ADGRV1: variants seen among roughly 807,000 people sequenced by gnomAD.
The protein encoded by ADGRV1 is adhesion G protein-coupled receptor V1, also known as G-protein coupled receptor 98.
A neutral mutation model predicts 596.2 loss-of-function variants in ADGRV1; 359 were observed. That is an observed-to-expected ratio of 0.60 (90% confidence interval 0.55 to 0.66). The LOEUF (loss-of-function observed/expected upper bound fraction) is 0.66, where lower values mean the gene tolerates loss of function less well. Ranked by LOEUF, ADGRV1 falls within the 30% of genes least tolerant of loss-of-function variation. The pLI is 0.00. For synonymous variants in ADGRV1, 2,681 were observed against 2,679.2 expected, an observed-to-expected ratio of 1.00 and a Z score of -0.02; for missense variants, 7,274 against 7,575.6, an observed-to-expected ratio of 0.96 and a Z score of 1.48.
intron 85 of ADGRV1, among the ~76,000 whole-genome samples, chr5:91,012,197 T>C (rs1315082474): frequency 6.6e-6 from 1 of 151,932 alleles, no homozygotes; most frequent in African/African-American, 2.4e-5. Flanking sequence ...CTAAACAAAA[T>C]TTGATTTCCC....
chr5:90,808,886 T>G (rs1762154516), intron 73 of ADGRV1, among the ~76,000 whole-genome samples: 1 of 151,424 alleles, frequency 6.6e-6, no homozygotes, highest in Admixed American at 6.6e-5. Flanking sequence ...ACAGAGTGAG[T>G]GAGACTCCGT....
At position 90,672,698 on chromosome 5, in the gene ADGRV1, A is replaced by G; in HGVS notation, c.4905A>G (p.Thr1635=). The G allele has an allele frequency of 6.2e-7, 1 of 1,612,842 alleles. No individual in the cohort carries two copies. Residue 1635 remains threonine (T), a synonymous_variant, in exon 22 of 90, where the codon ACA becomes ACG. Coordinates refer to ENST00000405460, the MANE Select transcript of ADGRV1 (RefSeq NM_032119.4). The part of the protein sequence containing the change: ...DDFANASGTI[T]FLPWQRSEVL... ...TTGCTAATGCCAGTGGAACTATTAC[A>G]TTCCTTCCTTGGCAGAGATCAGAGG...
chr5:91,099,541 G>A (rs1209642397), intron 86 of ADGRV1, among the ~76,000 whole-genome samples: 1 of 152,210 alleles, frequency 6.6e-6, no homozygotes, highest in Non-Finnish European at 1.5e-5. Context: ...ACCTGAGCGA[G>A]GGAATGGGTA....
At chr5:90,712,786 G>A (rs1471782998) in intron 42 of ADGRV1, among the ~76,000 whole-genome samples, 1 of 151,942 alleles carries the variant, frequency 6.6e-6, no homozygotes, top group Non-Finnish European at 1.5e-5. Context: ...TTCTACCTTT[G>A]TAGAATTACT....
At chr5:90,648,067 C>T (rs1768056163) in intron 17 of ADGRV1, among the ~76,000 whole-genome samples, 1 of 152,122 alleles carries the variant, frequency 6.6e-6, no homozygotes, top group South Asian at 2.1e-4. Context: ...CTTGGGAATA[C>T]GGCTTCCCTA....
chr5:91,028,577 A>T (rs1050327692), intron 85 of ADGRV1, among the ~76,000 whole-genome samples: 2 of 151,974 alleles, frequency 1.3e-5, no homozygotes, highest in Non-Finnish European at 2.9e-5. Flanking sequence ...AATTTACTAG[A>T]TCTATCCTAG....
chr5:91,060,206 G>A (rs1268781392), intron 85 of ADGRV1, among the ~76,000 whole-genome samples: 2 of 151,848 alleles, frequency 1.3e-5, no homozygotes, highest in African/African-American at 4.8e-5. Flanking sequence ...GGGCGGGGCA[G>A]CAGTTTTGGT....
intron 39 of ADGRV1, 41 bp downstream of exon 39, chr5:90,708,950 A>G (rs1241706596): frequency 7.5e-7 from 1 of 1,325,206 alleles, no homozygotes; most frequent in Non-Finnish European, 1.1e-6. Flanking sequence ...GCTCACTTCA[A>G]ATGAAATGAA....
intron 29 of ADGRV1, among the ~76,000 whole-genome samples, chr5:90,686,405 C>T (rs1745653402): frequency 6.6e-6 from 1 of 152,078 alleles, no homozygotes; most frequent in African/African-American, 2.4e-5. Flanking sequence ...TGATGTTCCC[C>T]TTTCTGTGTC....
intron 85 of ADGRV1, among the ~76,000 whole-genome samples, chr5:91,034,595 A>G (rs1184703109): frequency 6.6e-6 from 1 of 152,158 alleles, no homozygotes; most frequent in African/African-American, 2.4e-5. Flanking sequence ...CTCCATGGAA[A>G]CTTGTGCTTC....
At chr5:90,961,072 G>T (rs72656679) in intron 83 of ADGRV1, among the ~76,000 whole-genome samples, 35,661 of 151,852 alleles carry the variant, frequency 0.23, 7,007 homozygotes, top group African/African-American at 0.51. Context: ...TTAGGCACCC[G>T]TCTATTAGAA....
In ADGRV1 at chr5:90,647,758, T is replaced by A. The variant is rs1412844494; in HGVS notation, c.3283T>A (p.Ser1095Thr). The A allele has an allele frequency of 6.2e-7, 1 of 1,610,872 alleles. No individual in the cohort carries two copies. The highest frequency in any genetic ancestry group is 8.5e-7 in the Non-Finnish European group (1 of 1,178,076). ...GCCCTTTTATATAATCCTCTTGAAT[T>A]CAACAGGTAAGTAAATTATGCTTTT... ...DEPFYIILLN[S>T]TGDTVVYQYG... Residue 1095 changes from serine to threonine, a missense_variant, in exon 17 of 90, where the codon TCA becomes ACA. Coordinates refer to ENST00000405460, the MANE Select transcript of ADGRV1 (RefSeq NM_032119.4).
intron 71 of ADGRV1, among the ~76,000 whole-genome samples, chr5:90,803,272 G>A (rs1761575549): frequency 6.6e-6 from 1 of 152,094 alleles, no homozygotes; most frequent in African/African-American, 2.4e-5. Context: ...AATGCTGATG[G>A]TCAGATCCTG....
chr5:90,628,148 C>T (rs769912412), intron 7 of ADGRV1, among the ~76,000 whole-genome samples: 2 of 151,460 alleles, frequency 1.3e-5, no homozygotes, highest in Non-Finnish European at 2.9e-5. Flanking sequence ...AGCACTTTGG[C>T]AGGCTTGGGG....
rs547502046 is a variant in ADGRV1, at chr5:90,744,806, G to A, written c.10550-240G>A. On this transcript the variant is annotated intron_variant, in intron 50 of 89. Transcript: ENST00000405460. ...AAATTAGTTTCGGTTTTAGCAGCCA[G>A]TAATTTCTTTTTTATTAAATGGGTA... Among the ~76,000 whole-genome samples the A allele has an allele frequency of 1.2e-4, 19 of 152,324 alleles. No individual in the cohort carries two copies. The South Asian group carries it at 3.5e-3, about 28-fold the overall frequency.
At chr5:90,584,144 G>C (rs1299007563) in intron 1 of ADGRV1, among the ~76,000 whole-genome samples, 2 of 152,126 alleles carry the variant, frequency 1.3e-5, no homozygotes, top group Non-Finnish European at 2.9e-5. Context: ...GTTATTGGGA[G>C]GATTAACTGA....
intron 45 of ADGRV1, among the ~76,000 whole-genome samples, chr5:90,722,609 G>A (rs1751206435): frequency 6.7e-6 from 1 of 150,204 alleles, no homozygotes; most frequent in South Asian, 2.1e-4. Context: ...AGCTACTTGG[G>A]AAGGCTGAGG....
chr5:90,961,201 T>G (rs559033023), intron 83 of ADGRV1, among the ~76,000 whole-genome samples: 1 of 152,112 alleles, frequency 6.6e-6, no homozygotes, highest in African/African-American at 2.4e-5. Context: ...GCTGGTCCTT[T>G]AAAAACTGAC....
chr5:90,644,753 G>A lies in ADGRV1; in HGVS notation c.2782G>A (p.Val928Ile), dbSNP rs767598718. The A allele has an allele frequency of 6.8e-6, 11 of 1,611,310 alleles. No individual in the cohort carries two copies. The South Asian group carries it at 1.0e-4, about 15-fold the overall frequency. ...RNRGNFGDVS[V>I]SWVVSPDFTQ... The stretch of plus-strand genomic sequence containing the variant: ...TCGAGGCAACTTTGGTGATGTTAGT[G>A]TATCATGGGTGGTTAGTCCAGACTT... Residue 928 changes from valine (V) to isoleucine (I), a missense_variant, in exon 15 of 90, where the codon GTA (valine) becomes ATA (isoleucine). Val to Ile is a conservative substitution (Grantham distance 29). Coordinates refer to ENST00000405460, the MANE Select transcript of ADGRV1 (RefSeq NM_032119.4).
Sources: allele counts gnomAD v4.1 joint callset (sites outside exome capture counted in the v4.1 genomes callset), GRCh38; gene constraint gnomAD v4.1.1; transcripts MANE v1.5; gene names NCBI Gene and HGNC (gene_info 2026-07-23, HGNC 2026-07-21).